The following LUC7L2 variants were observed in gnomAD, a reference collection of about 807,000 sequenced individuals.
LUC7L2 encodes LUC7 like 2, pre-mRNA splicing factor.
Under a neutral mutation model 52.8 loss-of-function variants are expected in LUC7L2, and 25 were observed. That is an observed-to-expected ratio of 0.47 (90% confidence interval 0.34 to 0.66). LUC7L2 has a LOEUF of 0.66. Among genes scored for constraint, LUC7L2 ranks in the 30% least tolerant of loss-of-function variants. LUC7L2 has a pLI of 0.01. For synonymous variants in LUC7L2, 144 were observed against 160.9 expected, an observed-to-expected ratio of 0.89 and a Z score of 0.80; for missense variants, 328 against 497.8, an observed-to-expected ratio of 0.66 and a Z score of 3.25.
intron 1 of LUC7L2, among the ~76,000 whole-genome samples, chr7:139,364,360 TAGGC>T (rs1800037719): frequency 6.6e-6 from 1 of 152,172 alleles, no homozygotes; most frequent in Admixed American, 6.5e-5. Context: ...AAGATTAAAA[TAGGC>T]AGGAATGGCA....
At chr7:139,375,836 T>C (rs894129793) in intron 1 of LUC7L2, 2 of 433,388 alleles carry the variant, frequency 4.6e-6, no homozygotes, top group Non-Finnish European at 3.9e-6. Flanking sequence ...ACAGAATGCA[T>C]TGCTTTCTCA....
chr7:139,360,945 C>T (rs185595834), intron 1 of LUC7L2, among the ~76,000 whole-genome samples: 1 of 152,284 alleles, frequency 6.6e-6, no homozygotes, highest in East Asian at 1.9e-4. Flanking sequence ...TCCGAGAGAC[C>T]TCCATTTTGT....
chr7:139,416,510 C>T (rs1479540961), intron 8 of LUC7L2: 1 of 152,204 alleles, frequency 6.6e-6, no homozygotes, highest in African/African-American at 2.4e-5. Context: ...TTCTTTCTCC[C>T]AAACTGTTTG....
chr7:139,400,201 G>C (rs1304622517), intron 3 of LUC7L2, among the ~76,000 whole-genome samples: 1 of 152,076 alleles, frequency 6.6e-6, no homozygotes, highest in Admixed American at 6.6e-5. Flanking sequence ...ATAGCCAGGC[G>C]TGGTGGCTCG....
intron 1 of LUC7L2, among the ~76,000 whole-genome samples, chr7:139,354,720 G>A (rs1292438573): frequency 6.6e-6 from 1 of 152,192 alleles, no homozygotes; most frequent in African/African-American, 2.4e-5. Flanking sequence ...CACTTTGAGT[G>A]AGCTATAGGA....
At chr7:139,400,625 C>CAAAAA in intron 3 of LUC7L2, among the ~76,000 whole-genome samples, 1 of 152,240 alleles carries the variant, frequency 6.6e-6, no homozygotes, top group East Asian at 1.9e-4. Flanking sequence ...ATTTTATAGA[C>CAAAAA]TTTTAAGTCC....
At chr7:139,343,356 A>C (rs4732367) in intron 1 of LUC7L2, among the ~76,000 whole-genome samples, 59,374 of 152,216 alleles carry the variant, frequency 0.39, 16,230 homozygotes, top group African/African-American at 0.78. Context: ...TGATCTGCAG[A>C]TCCTAAAACC....
intron 1 of LUC7L2, chr7:139,371,537 G>T: frequency 6.7e-7 from 1 of 1,484,248 alleles, no homozygotes. Context: ...TGTTTGTATG[G>T]GAGGGAGAGG....
At chr7:139,415,613 G>A (rs1306425157) in intron 8 of LUC7L2, among the ~76,000 whole-genome samples, 1 of 125,356 alleles carries the variant, frequency 8.0e-6, no homozygotes, top group Non-Finnish European at 1.6e-5. Context: ...GTCTCACTCT[G>A]TCCTGAGTAG....
rs557199310 is a variant in LUC7L2, at chr7:139,397,911, T to C, written c.157-688T>C. 1.3e-4 allele frequency among the ~76,000 whole-genome samples: 20 copies of C among 152,358 alleles called. No individual in the cohort carries two copies. In the East Asian group the frequency reaches 1.5e-3, roughly 12 times the overall value. ...TAAATGCTTGTTCTCTGTGCACTTA[T>C]GTTGGGTCTTACTAGTAAATCACCT... On this transcript the variant is annotated intron_variant, in intron 2 of 9. Coordinates refer to ENST00000354926, the MANE Select transcript of LUC7L2 (RefSeq NM_016019.5).
At chr7:139,368,386 A>C (rs955043092) in intron 1 of LUC7L2, among the ~76,000 whole-genome samples, 1 of 152,224 alleles carries the variant, frequency 6.6e-6, no homozygotes, top group African/African-American at 2.4e-5. Flanking sequence ...ACAGAGGTCA[A>C]ACAAGCATCT....
intron 1 of LUC7L2, among the ~76,000 whole-genome samples, chr7:139,347,825 T>C (rs1799319079): frequency 1.3e-5 from 2 of 152,252 alleles, no homozygotes; most frequent in East Asian, 1.9e-4. Flanking sequence ...TTTAGCCTCC[T>C]GAGTGGCTGG....
In LUC7L2 at chr7:139,387,951, T is replaced by C. The variant is rs146404279; in HGVS notation, c.157-10648T>C. On this transcript the variant is annotated intron_variant, in intron 2 of 9. Coordinates refer to ENST00000354926, the MANE Select transcript of LUC7L2 (RefSeq NM_016019.5). The stretch of plus-strand genomic sequence containing the variant: ...TTGTTTGACCAAACTGATTTACTTA[T>C]TGTCGTCTCACTCCTTTCTTTCCCT... Among the ~76,000 whole-genome samples, 36 of 152,296 alleles carry C rather than the reference T, an allele frequency of 2.4e-4. No homozygotes were observed. The East Asian group carries it at 6.0e-3, about 25-fold the overall frequency.
chr7:139,377,443 G>T (rs1800773302), intron 2 of LUC7L2, among the ~76,000 whole-genome samples: 1 of 151,972 alleles, frequency 6.6e-6, no homozygotes, highest in Admixed American at 6.6e-5. Context: ...ACCCAAGCTG[G>T]AGTGCGGTGG....
In LUC7L2 at chr7:139,422,337, C is replaced by G. The variant is rs1259698306; in HGVS notation, c.1176C>G (p.Ile392Met). ...CTGAAGAGCGCGAAGCAGGGGAGATCTAACTAGCTGTGTACATTTCTTCAG... is the reference window on the plus strand; with the variant it reads ...CTGAAGAGCGCGAAGCAGGGGAGATGTAACTAGCTGTGTACATTTCTTCAG... Reference protein sequence around the residue: ...RSSEEREAGEI With the variant: ...RSSEEREAGEM Residue 392 changes from isoleucine (I) to methionine (M), a missense_variant, in exon 10 of 10, where the codon ATC becomes ATG. This residue lies in a region of LUC7L2 where 195 missense variants were observed against 223.3 expected (regional missense o/e 0.87). Transcript: ENST00000354926. The G allele has an allele frequency of 1.2e-6, 2 of 1,609,750 alleles. No homozygotes were observed. The highest frequency in any genetic ancestry group is 1.7e-6 in the Non-Finnish European group (2 of 1,178,656).
chr7:139,422,169 AAAAG>A lies in LUC7L2; in HGVS notation c.1014_1017del (p.Glu338AspfsTer7). 1 of 1,590,738 alleles carries A rather than the reference AAAAG, an allele frequency of 6.3e-7. No homozygotes were observed. The highest frequency in any genetic ancestry group is 8.5e-7 in the Non-Finnish European group (1 of 1,173,934). On this transcript the variant is annotated frameshift_variant, in exon 10 of 10. Transcript: ENST00000354926. LOFTEE classifies it high-confidence loss of function. ...TCAAATTAATATTTTTCAGATCCTC[AAAAG>A]AAAGATTCAGAGACCAAGACTTAGC...
chr7:139,421,627 C>T (rs1335505670), intron 9 of LUC7L2, among the ~76,000 whole-genome samples: 1 of 152,182 alleles, frequency 6.6e-6, no homozygotes, highest in Non-Finnish European at 1.5e-5. Flanking sequence ...GAGTAGTTCT[C>T]TTATCTAAGT....
At chr7:139,343,666 G>A (rs1799112773) in intron 1 of LUC7L2, among the ~76,000 whole-genome samples, 1 of 152,144 alleles carries the variant, frequency 6.6e-6, no homozygotes, top group South Asian at 2.1e-4. Flanking sequence ...CAGGAGCGGT[G>A]GCTCACACCT....
chr7:139,412,824 TTAAAAAA>T, intron 8 of LUC7L2: 1 of 156,458 alleles, frequency 6.4e-6, no homozygotes. Context: ...GACTCTGTCT[TTAAAAAA>T]AAAAAAAAAA....
Sources: allele counts gnomAD v4.1 joint callset (sites outside exome capture counted in the v4.1 genomes callset), GRCh38; gene constraint gnomAD v4.1.1; regional missense constraint gnomAD v4.1.1; transcripts MANE v1.5; gene names NCBI Gene and HGNC (gene_info 2026-07-23, HGNC 2026-07-21).